The following NFIX variants were observed in gnomAD, a reference collection of about 807,000 sequenced individuals.
NFIX encodes nuclear factor I X, also known as nuclear factor 1 X-type.
NFIX carries 2 observed loss-of-function variants against 53.3 expected under a neutral mutation model. That is an observed-to-expected ratio of 0.04 (90% CI 0.02 to 0.12). NFIX has a LOEUF of 0.12. Ranked by LOEUF, NFIX falls within the 10% of genes least tolerant of loss-of-function variation. The pLI, the probability that NFIX is intolerant of heterozygous loss-of-function variation, is 1.00. For synonymous variants in NFIX, 244 were observed against 289.0 expected (o/e 0.84, Z 1.58); for missense variants, 310 against 674.5 (o/e 0.46, Z 5.99).
intron 2 of NFIX, among the ~76,000 whole-genome samples, chr19:13,034,985 A>C (rs2014082063): frequency 1.3e-5 from 2 of 152,116 alleles, no homozygotes; most frequent in Admixed American, 1.3e-4. Context: ...GACATTGTAG[A>C]GTTTTAGCGG....
chr19:13,092,475 G>T (rs1428540570), intron 10 of NFIX, among the ~76,000 whole-genome samples: 6 of 152,224 alleles, frequency 3.9e-5, no homozygotes. Flanking sequence ...AGCATTGGCA[G>T]TTGTCCCCAA....
At chr19:13,038,362 C>G (rs1032258342) in intron 2 of NFIX, among the ~76,000 whole-genome samples, 2 of 152,170 alleles carry the variant, frequency 1.3e-5, no homozygotes, top group African/African-American at 4.8e-5. Context: ...TAGACCTGAA[C>G]AGGCCACTGC....
rs141583624 is a variant in NFIX at position 13,088,835 on chromosome 19, CTTTCTTTTCT to C, written c.1402+713_1402+722del. 1.3e-5 allele frequency among the ~76,000 whole-genome samples: 2 copies of C among 151,742 alleles called. No homozygotes were observed. The highest frequency in any genetic ancestry group is 6.6e-5 in the Admixed American group (1 of 15,218). Reference sequence around the variant, plus strand: ...TTACTTCATCTCTCTCTCTGTCTCTCTTTCTTTTCTTTTCTTTTCTTTTTTTTTCCTCTTA... The same window carrying C: ...TTACTTCATCTCTCTCTCTGTCTCTCTTTCTTTTCTTTTTTTTTCCTCTTA... On this transcript the variant is annotated intron_variant, in intron 9 of 10. Coordinates refer to ENST00000592199, the MANE Select transcript of NFIX (RefSeq NM_001365902.3). This position sits in a 1 kb window ranked among gnomAD's most constrained non-coding sequence, Gnocchi z 5.9.
At chr19:13,075,068 TAAAAAA>T (rs57860606) in intron 5 of NFIX, among the ~76,000 whole-genome samples, 5 of 73,700 alleles carry the variant, frequency 6.8e-5, no homozygotes, top group South Asian at 1.2e-3. Context: ...AGACTCCATC[TAAAAAA>T]AAAAAAAAAA....
chr19:13,024,814 T>C, intron 1 of NFIX: 1 of 1,389,172 alleles, frequency 7.2e-7, no homozygotes, highest in Non-Finnish European at 9.9e-7. Flanking sequence ...AGCAAGTGGC[T>C]GGCGAAGCTG....
In NFIX at chr19:13,060,754, CA is replaced by C. The variant is rs2016022319; in HGVS notation, c.560-12292del. Among the ~76,000 whole-genome samples the C allele has an allele frequency of 6.6e-6, 1 of 151,162 alleles. No individual in the cohort carries two copies. The highest frequency in any genetic ancestry group is 2.4e-5 in the African/African-American group (1 of 41,238). On this transcript the variant is annotated intron_variant, in intron 2 of 10. Coordinates refer to ENST00000592199, the MANE Select transcript of NFIX (RefSeq NM_001365902.3). The surrounding 1 kb of genome is among the most constrained non-coding windows in gnomAD (Gnocchi z 4.3). The stretch of plus-strand genomic sequence containing the variant: ...TGAAGCGATCTGCACTGCCCAGGGT[CA>C]GGGGGATGGGGGGGTCGGCCTCACC...
chr19:13,039,144 C>T (rs1039654879), intron 2 of NFIX, among the ~76,000 whole-genome samples: 4 of 151,946 alleles, frequency 2.6e-5, no homozygotes, highest in African/African-American at 9.7e-5. Flanking sequence ...TTTATGGTAT[C>T]GTGGTTTACA....
rs201515203 is a variant in NFIX, at chr19:13,073,122, C to T, written c.622+13C>T. 3 of 1,613,616 alleles carry T rather than the reference C, an allele frequency of 1.9e-6. No homozygotes were observed. Among genetic ancestry groups the T allele is most frequent in the African/African-American group, 1.3e-5 (1 of 74,930 alleles). On this transcript the variant is annotated intron_variant, in intron 3 of 10. Coordinates refer to ENST00000592199, the MANE Select transcript of NFIX (RefSeq NM_001365902.3). This position sits in a 1 kb window ranked among gnomAD's most constrained non-coding sequence, Gnocchi z 4.5. Reference sequence around the variant, plus strand: ...CCACTGCCCAACGGTCAGTGCCCCCCACCTGCCCAGCTGCCCTTATCCTTC... The same window carrying T: ...CCACTGCCCAACGGTCAGTGCCCCCTACCTGCCCAGCTGCCCTTATCCTTC...
chr19:13,041,481 G>A (rs1179011274), intron 2 of NFIX, among the ~76,000 whole-genome samples: 1 of 152,016 alleles, frequency 6.6e-6, no homozygotes, highest in Admixed American at 6.6e-5. Flanking sequence ...TTATAGTATA[G>A]ACACTTAGGG....
rs2012238423 is a variant in NFIX at position 13,009,968 on chromosome 19, C to T, written c.27+14104C>T. 6.6e-6 allele frequency among the ~76,000 whole-genome samples: 1 copy of T among 152,154 alleles called. No individual in the cohort carries two copies. Among genetic ancestry groups the T allele is most frequent in the Non-Finnish European group, 1.5e-5 (1 of 68,000 alleles). On this transcript the variant is annotated intron_variant, in intron 1 of 10. Coordinates refer to ENST00000592199, the MANE Select transcript of NFIX (RefSeq NM_001365902.3). This position sits in a 1 kb window ranked among gnomAD's most constrained non-coding sequence, Gnocchi z 4.7. ...AACCCTGTCCACACAGGTGGAGTGGCCCACCTTGGGCCCGGGGGGGCCTCC... is the reference window on the plus strand; with the variant it reads ...AACCCTGTCCACACAGGTGGAGTGGTCCACCTTGGGCCCGGGGGGGCCTCC...
rs2011482863 is a variant in NFIX at position 12,996,733 on chromosome 19, C to A, written c.27+869C>A. Among the ~76,000 whole-genome samples the A allele has an allele frequency of 6.6e-6, 1 of 152,234 alleles. No homozygotes were observed. The highest frequency in any genetic ancestry group is 2.4e-5 in the African/African-American group (1 of 41,466). On this transcript the variant is annotated intron_variant, in intron 1 of 10. Coordinates refer to ENST00000592199, the MANE Select transcript of NFIX (RefSeq NM_001365902.3). The surrounding 1 kb of genome is among the most constrained non-coding windows in gnomAD (Gnocchi z 5.2). ...GGGCGGGAGGCAGCCGTGGACACAG[C>A]CGACAGTGCTGCGGCCACACCGTCG...
At chr19:13,076,857 C>T (rs530360596) in intron 6 of NFIX, among the ~76,000 whole-genome samples, 2 of 152,208 alleles carry the variant, frequency 1.3e-5, no homozygotes, top group African/African-American at 4.8e-5. Flanking sequence ...AAGGAGGGCT[C>T]GCCTCCAGGC....
Position 13,072,937 on chromosome 19 carries a change from C to T in NFIX, c.560-110C>T. On this transcript the variant is annotated intron_variant, in intron 2 of 10. Coordinates refer to ENST00000592199, the MANE Select transcript of NFIX (RefSeq NM_001365902.3). This position sits in a 1 kb window ranked among gnomAD's most constrained non-coding sequence, Gnocchi z 4.0. ...GAGGGTGGGGTGAAGGTTTCTGTAG[C>T]CAGGGTGGGCCGTCCCTGCTCTTGC... 9.5e-7 allele frequency: 1 copy of T among 1,050,234 alleles called. No homozygotes were observed. The highest frequency in any genetic ancestry group is 1.5e-6 in the Non-Finnish European group (1 of 668,362). The allele number at this position is 1,050,234 out of a possible 1,614,324, so 65.1% of individuals were successfully genotyped here.
chr19:13,019,719 TTTTG>T (rs1332256468), intron 1 of NFIX, among the ~76,000 whole-genome samples: 10 of 145,342 alleles, frequency 6.9e-5, no homozygotes, highest in Non-Finnish European at 1.2e-4. Context: ...CTGGTTTTTT[TTTTG>T]TTTGTTTGTT....
At chr19:13,000,940 C>T (rs1383608980) in intron 1 of NFIX, among the ~76,000 whole-genome samples, 1 of 152,208 alleles carries the variant, frequency 6.6e-6, no homozygotes, top group Non-Finnish European at 1.5e-5. Flanking sequence ...ATCTAACCCA[C>T]AGGGAGCCTG....
Position 13,061,598 on chromosome 19 carries a change from T to TCCTGAGCCGCGCCGCTC in NFIX, c.560-11439_560-11423dup, listed in dbSNP as rs1180383642. On this transcript the variant is annotated intron_variant, in intron 2 of 10. Transcript: ENST00000592199. ...GCTTCGCTCCCTGAACCGCGTCGCT[T>TCCTGAGCCGCGCCGCTC]CCTGAGCCGCGCCGCTCCCTGAGCC... Among the ~76,000 whole-genome samples the TCCTGAGCCGCGCCGCTC allele has an allele frequency of 2.3e-3, 347 of 152,218 alleles. 3 individuals carry two copies. Among genetic ancestry groups the TCCTGAGCCGCGCCGCTC allele is most frequent in the African/African-American group, 7.8e-3 (324 of 41,550 alleles).
Position 13,018,180 on chromosome 19 carries a change from A to G in NFIX, c.28-6841A>G, listed in dbSNP as rs1373930214. 2.0e-5 allele frequency among the ~76,000 whole-genome samples: 3 copies of G among 152,136 alleles called. No individual in the cohort carries two copies. In the East Asian group the frequency reaches 5.8e-4, roughly 29 times the overall value. ...TTAGAGAGAATAGATTGTCTCCCCT[A>G]ATATCCCCATTCCTACCCTATATTA... On this transcript the variant is annotated intron_variant, in intron 1 of 10. Coordinates refer to ENST00000592199, the MANE Select transcript of NFIX (RefSeq NM_001365902.3).
intron 2 of NFIX, among the ~76,000 whole-genome samples, chr19:13,030,769 C>G (rs2013740616): frequency 6.6e-6 from 1 of 152,198 alleles, no homozygotes; most frequent in Non-Finnish European, 1.5e-5. Context: ...AGATCCTAGC[C>G]AGCCATGGTG....
chr19:13,090,396 A>G lies in NFIX; in HGVS notation c.1494+6A>G, dbSNP rs1159721835. ...ACATCCCACAGCAGTCTCAGGTAGG[A>G]GACCCTGCCCACCACCTGGATGCAG... On this transcript the variant is annotated splice_donor_region_variant and intron_variant, in intron 10 of 10. Coordinates refer to ENST00000592199, the MANE Select transcript of NFIX (RefSeq NM_001365902.3). This position sits in a 1 kb window ranked among gnomAD's most constrained non-coding sequence, Gnocchi z 6.6. The G allele has an allele frequency of 6.2e-7, 1 of 1,613,336 alleles. No individual in the cohort carries two copies. Among genetic ancestry groups the G allele is most frequent in the Non-Finnish European group, 8.5e-7 (1 of 1,179,404 alleles).
Sources: allele counts gnomAD v4.1 joint callset (sites outside exome capture counted in the v4.1 genomes callset), GRCh38; gene constraint gnomAD v4.1.1; non-coding constraint Gnocchi (gnomAD v3.1); transcripts MANE v1.5; gene names NCBI Gene and HGNC (gene_info 2026-07-23, HGNC 2026-07-21).